The following IVNS1ABP variants were observed in gnomAD, a reference collection of about 807,000 sequenced individuals.
The protein encoded by IVNS1ABP is influenza virus NS1A binding protein, also known as influenza virus NS1A-binding protein.
IVNS1ABP carries 25 observed loss-of-function variants against 78.9 expected under a neutral mutation model. That is an observed-to-expected ratio of 0.32 (90% CI 0.23 to 0.44). The LOEUF (loss-of-function observed/expected upper bound fraction) is 0.44, where lower values mean the gene tolerates loss of function less well. Among genes scored for constraint, IVNS1ABP ranks in the 20% least tolerant of loss-of-function variants. The probability of loss-of-function intolerance (pLI) is 1.00; values close to 1 mark genes in which losing one functional copy is unlikely to be tolerated. For synonymous variants in IVNS1ABP, 241 were observed against 259.7 expected (o/e 0.93, Z 0.69); for missense variants, 494 against 768.9 (o/e 0.64, Z 4.23).
chr1:185,312,040 T>C (rs1357802356), intron 1 of IVNS1ABP, among the ~76,000 whole-genome samples: 1 of 152,238 alleles, frequency 6.6e-6, no homozygotes, highest in Non-Finnish European at 1.5e-5. Context: ...TGTTCATCTT[T>C]TGTATCCATC....
In IVNS1ABP at chr1:185,301,054, T is replaced by C. The variant is rs779014556; in HGVS notation, c.1038A>G (p.Leu346=). Reference sequence around the variant, plus strand: ...GCATAGGAGACATGGGCTTTTCGATTAGCTCATCTTGTTGCATCTCAAAGC... The same window carrying C: ...GCATAGGAGACATGGGCTTTTCGATCAGCTCATCTTGTTGCATCTCAAAGC... ...SLSFEMQQDE[L]IEKPMSPMQY... is the part of the protein sequence containing the mutation. The change falls in exon 10 of 15, where the codon CTA becomes CTG. Residue 346 remains leucine (L), a synonymous_variant. Coordinates refer to ENST00000367498, the MANE Select transcript of IVNS1ABP (RefSeq NM_006469.5). 6.2e-7 allele frequency: 1 copy of C among 1,613,520 alleles called. No homozygotes were observed. Among genetic ancestry groups the C allele is most frequent in the Non-Finnish European group, 8.5e-7 (1 of 1,179,688 alleles).
At position 185,298,462 on chromosome 1, in the gene IVNS1ABP, G is replaced by A. The variant is rs1311231251; in HGVS notation, c.1676-174C>T. ...ATGACAAATACTCTCTAAGAGCTGG[G>A]AATCAAATCAATAAAAAAACCATTC... On this transcript the variant is annotated intron_variant, in intron 14 of 14. Transcript: ENST00000367498. This position sits in a 1 kb window ranked among gnomAD's most constrained non-coding sequence, Gnocchi z 4.1. 1.6e-6 allele frequency: 1 copy of A among 619,842 alleles called. No individual in the cohort carries two copies. Among genetic ancestry groups the A allele is most frequent in the Non-Finnish European group, 2.7e-6 (1 of 372,312 alleles). 38.4% of individuals were successfully genotyped at this position (619,842 alleles called of 1,614,324 possible).
At position 185,307,644 on chromosome 1, in the gene IVNS1ABP, GTAAA is replaced by G; in HGVS notation, c.372_375del (p.Leu125CysfsTer25). 1 of 1,612,764 alleles carries G rather than the reference GTAAA, an allele frequency of 6.2e-7. No homozygotes were observed. Among genetic ancestry groups the G allele is most frequent in the Non-Finnish European group, 8.5e-7 (1 of 1,179,366 alleles). On this transcript the variant is annotated frameshift_variant, in exon 6 of 15. Coordinates refer to ENST00000367498, the MANE Select transcript of IVNS1ABP (RefSeq NM_006469.5). LOFTEE classifies it high-confidence loss of function. ...CAGCTGGTAACATCCATTCTAGACA[GTAAA>G]TAATCACCACAAACCTTGGAAAAGA...
Position 185,298,110 on chromosome 1 carries a change from T to A in IVNS1ABP, c.1854A>T (p.Glu618Asp). The part of the protein sequence containing the change: ...IYAVGGFDGN[E>D]FLNTVEVYNL... ...TATAGACTTCCACCGTATTCAGAAA[T>A]TCATTGCCATCGAATCCTCCCACTG... The change falls in exon 15 of 15, where the codon GAA becomes GAT. Residue 618 changes from glutamate to aspartate, a missense_variant. Transcript: ENST00000367498. The surrounding 1 kb of genome is among the most constrained non-coding windows in gnomAD (Gnocchi z 4.1). 1 of 1,613,782 alleles carries A rather than the reference T, an allele frequency of 6.2e-7. No individual in the cohort carries two copies.
At chr1:185,300,886 G>T in intron 10 of IVNS1ABP, 86 bp downstream of exon 10, 1 of 963,700 alleles carries the variant, frequency 1.0e-6, no homozygotes, top group South Asian at 1.5e-5. Context: ...CGTGAAAGAT[G>T]GCATATTAAA....
intron 1 of IVNS1ABP, among the ~76,000 whole-genome samples, chr1:185,314,095 C>T (rs891927386): frequency 1.3e-5 from 2 of 152,176 alleles, no homozygotes; most frequent in African/African-American, 4.8e-5. Context: ...TCAGCTCCCA[C>T]CAAGTAGCCA....
At chr1:185,300,778 T>C (rs1395048699) in intron 10 of IVNS1ABP, 194 bp downstream of exon 10, 1 of 691,026 alleles carries the variant, frequency 1.4e-6, no homozygotes, top group East Asian at 2.7e-5. Context: ...TAGAAAAATT[T>C]AGCCATGACA....
At chr1:185,316,468 C>A (rs970988985) in intron 1 of IVNS1ABP, among the ~76,000 whole-genome samples, 15 of 152,182 alleles carry the variant, frequency 9.9e-5, no homozygotes, top group African/African-American at 3.6e-4. Flanking sequence ...CCACACGAGC[C>A]GAGTCTCGAG....
chr1:185,315,591 T>C (rs564614153), intron 1 of IVNS1ABP, among the ~76,000 whole-genome samples: 1 of 152,290 alleles, frequency 6.6e-6, no homozygotes, highest in Non-Finnish European at 1.5e-5. Context: ...ATGATACTAG[T>C]CTCAATTCAA....
chr1:185,300,588 T>C (rs1410896996), intron 10 of IVNS1ABP, 30 bp from the exon 11 acceptor site: 1 of 1,606,714 alleles, frequency 6.2e-7, no homozygotes, highest in East Asian at 2.2e-5. Flanking sequence ...TAAAGATTTA[T>C]GTTTAAAATA....
intron 13 of IVNS1ABP, 38 bp from the exon 14 acceptor site, chr1:185,299,921 C>T: frequency 6.2e-7 from 1 of 1,612,628 alleles, no homozygotes; most frequent in Non-Finnish European, 8.5e-7. Context: ...TGCTACATCT[C>T]CCAGACTCTA....
intron 1 of IVNS1ABP, among the ~76,000 whole-genome samples, chr1:185,313,186 A>G (rs1318025034): frequency 6.6e-6 from 1 of 152,192 alleles, no homozygotes; most frequent in Non-Finnish European, 1.5e-5. Context: ...AACACTGGAG[A>G]ATTTTTGGGG....
At position 185,301,095 on chromosome 1, in the gene IVNS1ABP, GT is replaced by G; in HGVS notation, c.996del (p.Lys332AsnfsTer2). On this transcript the variant is annotated frameshift_variant, in exon 10 of 15. Coordinates refer to ENST00000367498, the MANE Select transcript of IVNS1ABP (RefSeq NM_006469.5). LOFTEE classifies it high-confidence loss of function. The part of the protein sequence containing the change: ...SPQSSPTSTP[K>X]LSKSLSFEMQ... ...ATCTCAAAGCTTAAACTCTTACTTA[GT>G]TTTGGAGTACTTGTTGGTGAGCTCT... The G allele has an allele frequency of 6.2e-7, 1 of 1,613,458 alleles. No homozygotes were observed. Among genetic ancestry groups the G allele is most frequent in the Non-Finnish European group, 8.5e-7 (1 of 1,179,686 alleles).
At chr1:185,299,521 G>A (rs1211163943) in intron 14 of IVNS1ABP, 189 bp downstream of exon 14, 8 of 620,504 alleles carry the variant, frequency 1.3e-5, no homozygotes, top group Non-Finnish European at 2.3e-5. Flanking sequence ...TATATATCAA[G>A]TATTATAAGT....
rs192815235 is a variant in IVNS1ABP, at chr1:185,297,121, A to T, written c.*914T>A. ...TGTAGTTTAAAGTAAATTTTTTCACAATTGAGGGCTGCTATTTAGGACTGT... is the reference window on the plus strand; with the variant it reads ...TGTAGTTTAAAGTAAATTTTTTCACTATTGAGGGCTGCTATTTAGGACTGT... On this transcript the variant is annotated 3_prime_UTR_variant, in exon 15 of 15. Coordinates refer to ENST00000367498, the MANE Select transcript of IVNS1ABP (RefSeq NM_006469.5). 6.6e-6 allele frequency: 1 copy of T among 152,282 alleles called. No individual in the cohort carries two copies. Among genetic ancestry groups the T allele is most frequent in the East Asian group, 1.9e-4 (1 of 5,178 alleles). 9.4% of individuals were successfully genotyped at this position (152,282 alleles called of 1,614,324 possible).
rs567777548 is a variant in IVNS1ABP at position 185,310,033 on chromosome 1, A to G, written c.-18-522T>C. Among the ~76,000 whole-genome samples the G allele has an allele frequency of 4.6e-5, 7 of 152,314 alleles. No individual in the cohort carries two copies. In the South Asian group the frequency reaches 1.5e-3, roughly 32 times the overall value. On this transcript the variant is annotated intron_variant, in intron 2 of 14. Transcript: ENST00000367498. ...TCAAAATTATATATAATCAAGATTT[A>G]TATGCAGAAAATTGCCTAATGTCTT...
At chr1:185,315,907 A>G (rs1666004837) in intron 1 of IVNS1ABP, among the ~76,000 whole-genome samples, 1 of 151,260 alleles carries the variant, frequency 6.6e-6, no homozygotes, top group African/African-American at 2.4e-5. Flanking sequence ...ACGCTCCATC[A>G]CTGCACGCTC....
chr1:185,310,305 C>T (rs1665851223), intron 2 of IVNS1ABP, among the ~76,000 whole-genome samples: 1 of 152,056 alleles, frequency 6.6e-6, no homozygotes, highest in Non-Finnish European at 1.5e-5. Context: ...ACACAAAATG[C>T]ATAATTAAAA....
At chr1:185,316,156 T>A (rs1368496704) in intron 1 of IVNS1ABP, among the ~76,000 whole-genome samples, 1 of 152,180 alleles carries the variant, frequency 6.6e-6, no homozygotes, top group Non-Finnish European at 1.5e-5. Context: ...TTGCCACTGA[T>A]TTCTTTCATA....
Sources: gnomAD v4.1 joint callset for allele counts (sites outside exome capture counted in the v4.1 genomes callset) on GRCh38, gnomAD v4.1.1 for gene constraint, Gnocchi (gnomAD v3.1) non-coding constraint, MANE v1.5 for transcripts, NCBI Gene and HGNC (gene_info 2026-07-23, HGNC 2026-07-21) for gene names.